Variants in CNTN1 observed in about 807,000 individuals in gnomAD.
The protein encoded by CNTN1 is contactin-1.
CNTN1 carries 38 observed loss-of-function variants against 126.4 expected under a neutral mutation model. That is an observed-to-expected ratio of 0.30 (90% CI 0.23 to 0.39). The LOEUF (loss-of-function observed/expected upper bound fraction) is 0.39, where lower values mean the gene tolerates loss of function less well. Ranked by LOEUF, CNTN1 falls within the 10% of genes least tolerant of loss-of-function variation. The pLI is 1.00. For synonymous variants in CNTN1, 413 were observed against 422.6 expected (o/e 0.98, Z 0.28); for missense variants, 1,009 against 1,248.4 (o/e 0.81, Z 2.89).
At chr12:40,910,860 C>T (rs1477713417) in intron 3 of CNTN1, among the ~76,000 whole-genome samples, 1 of 143,682 alleles carries the variant, frequency 7.0e-6, no homozygotes, top group Admixed American at 6.8e-5. Context: ...AAAGCCATTG[C>T]ATGATGGTAG....
At chr12:40,955,973 G>T (rs371919820) in intron 14 of CNTN1, among the ~76,000 whole-genome samples, 2 of 152,158 alleles carry the variant, frequency 1.3e-5, no homozygotes, top group South Asian at 2.1e-4. Flanking sequence ...TGGGGCACAG[G>T]AGTTAGGTGC....
chr12:40,877,532 A>G (rs1049322050), intron 1 of CNTN1, among the ~76,000 whole-genome samples: 7 of 152,174 alleles, frequency 4.6e-5, no homozygotes, highest in Non-Finnish European at 1.0e-4. Flanking sequence ...CTGGGACAAT[A>G]TATCATTTAT....
chr12:40,815,487 G>T (rs1941227261), intron 1 of CNTN1, among the ~76,000 whole-genome samples: 1 of 152,042 alleles, frequency 6.6e-6, no homozygotes, highest in African/African-American at 2.4e-5. Flanking sequence ...TGTGATTTTT[G>T]CACATTGATT....
At chr12:40,764,994 A>G (rs1706752136) in intron 1 of CNTN1, among the ~76,000 whole-genome samples, 1 of 152,064 alleles carries the variant, frequency 6.6e-6, no homozygotes, top group Non-Finnish European at 1.5e-5. Flanking sequence ...AAATATTTGT[A>G]AAATGTTCCA....
At chr12:40,923,831 C>T (rs893975886) in intron 5 of CNTN1, among the ~76,000 whole-genome samples, 3 of 152,086 alleles carry the variant, frequency 2.0e-5, no homozygotes, top group African/African-American at 7.2e-5. Flanking sequence ...GATGAATTTT[C>T]AGAGGTATAC....
chr12:40,722,358 T>C (rs1284149372), intron 1 of CNTN1, among the ~76,000 whole-genome samples: 1 of 152,200 alleles, frequency 6.6e-6, no homozygotes, highest in Non-Finnish European at 1.5e-5. Context: ...TTTGATTATA[T>C]GTTGTTATTC....
chr12:40,856,462 C>T (rs1219257874), intron 1 of CNTN1, among the ~76,000 whole-genome samples: 1 of 151,998 alleles, frequency 6.6e-6, no homozygotes, highest in Non-Finnish European at 1.5e-5. Flanking sequence ...AATGATTTGC[C>T]TGGTATCTGG....
intron 1 of CNTN1, among the ~76,000 whole-genome samples, chr12:40,784,085 C>T (rs933769434): frequency 6.6e-6 from 1 of 152,088 alleles, no homozygotes; most frequent in Non-Finnish European, 1.5e-5. Context: ...GTTACAGAAG[C>T]CCAAAGGGTG....
chr12:40,890,492 T>C (rs1163935627), intron 1 of CNTN1, among the ~76,000 whole-genome samples: 1 of 152,174 alleles, frequency 6.6e-6, no homozygotes, highest in Non-Finnish European at 1.5e-5. Context: ...TCCAGCTCTG[T>C]GATCTCCCTA....
chr12:40,769,389 T>C (rs1202531988), intron 1 of CNTN1, among the ~76,000 whole-genome samples: 1 of 152,206 alleles, frequency 6.6e-6, no homozygotes, highest in East Asian at 1.9e-4. Context: ...CCAATTGTAA[T>C]TATTTTGGAA....
chr12:41,034,677 A>G (rs1214143135), intron 23 of CNTN1, among the ~76,000 whole-genome samples: 1 of 152,216 alleles, frequency 6.6e-6, no homozygotes, highest in African/African-American at 2.4e-5. Flanking sequence ...AATCTAGCCT[A>G]TATATTTTAG....
intron 6 of CNTN1, among the ~76,000 whole-genome samples, chr12:40,924,881 C>CATATACATATATATATATATATAT (rs1945585530): frequency 1.8e-5 from 2 of 112,092 alleles, no homozygotes; most frequent in Admixed American, 8.8e-5. Flanking sequence ...AGTTTATAAA[C>CATATACATATATATATATATATAT]ATATATATAT....
intron 1 of CNTN1, among the ~76,000 whole-genome samples, chr12:40,900,536 C>T (rs757850567): frequency 6.6e-6 from 1 of 152,106 alleles, no homozygotes; most frequent in Non-Finnish European, 1.5e-5. Context: ...TGATAAGGTA[C>T]CAACTCCACA....
At chr12:40,979,418 A>G (rs1183692830) in intron 15 of CNTN1, among the ~76,000 whole-genome samples, 1 of 152,116 alleles carries the variant, frequency 6.6e-6, no homozygotes, top group Non-Finnish European at 1.5e-5. Flanking sequence ...AAGCTAAGCA[A>G]CCCAACTGAT....
intron 11 of CNTN1, among the ~76,000 whole-genome samples, chr12:40,938,853 C>T (rs969482541): frequency 5.3e-5 from 8 of 152,234 alleles, no homozygotes; most frequent in African/African-American, 1.9e-4. Context: ...CGCTTCACTG[C>T]AGCCTTGACC....
chr12:40,712,563 C>G (rs1046937517), intron 1 of CNTN1, among the ~76,000 whole-genome samples: 1 of 151,958 alleles, frequency 6.6e-6, no homozygotes, highest in African/African-American at 2.4e-5. Flanking sequence ...GAGTTGAACT[C>G]AATACAAAGC....
At chr12:40,784,438 T>C (rs1416984817) in intron 1 of CNTN1, among the ~76,000 whole-genome samples, 1 of 152,124 alleles carries the variant, frequency 6.6e-6, no homozygotes, top group African/African-American at 2.4e-5. Flanking sequence ...CAAGATAAAT[T>C]GAGATAGTTT....
intron 3 of CNTN1, among the ~76,000 whole-genome samples, chr12:40,910,370 A>G (rs1200879716): frequency 3.3e-5 from 5 of 152,194 alleles, no homozygotes; most frequent in Non-Finnish European, 7.3e-5. Flanking sequence ...CATGCTTTGT[A>G]ACAATGCTAT....
chr12:40,945,671 T>A (rs1197535434), intron 14 of CNTN1, among the ~76,000 whole-genome samples: 23 of 132,548 alleles, frequency 1.7e-4, no homozygotes, highest in South Asian at 2.3e-4. Context: ...AAAAAGAAAA[T>A]GGAAAAAAAA....
Sources: gnomAD v4.1 joint callset for allele counts (sites outside exome capture counted in the v4.1 genomes callset) on GRCh38, gnomAD v4.1.1 for gene constraint, MANE v1.5 for transcripts, NCBI Gene and HGNC (gene_info 2026-07-23, HGNC 2026-07-21) for gene names.